The following CCDC30 variants were observed in gnomAD, a reference collection of about 807,000 sequenced individuals.
The protein encoded by CCDC30 is coiled-coil domain containing 30, also known as coiled-coil domain-containing protein 30.
CCDC30 carries 70 observed loss-of-function variants against 100.2 expected under a neutral mutation model. That is an observed-to-expected ratio of 0.70 (90% CI 0.58 to 0.85). CCDC30 has a LOEUF of 0.85. CCDC30 is among the 40% of genes least tolerant of loss of function. The pLI is 0.00. For synonymous variants in CCDC30, 233 were observed against 269.5 expected (o/e 0.86, Z 1.33); for missense variants, 652 against 771.2 (o/e 0.85, Z 1.83).
intron 1 of CCDC30, among the ~76,000 whole-genome samples, chr1:42,465,940 TAC>T (rs916631128): frequency 1.3e-5 from 2 of 152,274 alleles, no homozygotes; most frequent in Non-Finnish European, 2.9e-5. Flanking sequence ...TGTACATTTT[TAC>T]ATAGTTATGT....
At chr1:42,471,301 C>T (rs1431494860) in intron 1 of CCDC30, among the ~76,000 whole-genome samples, 1 of 152,292 alleles carries the variant, frequency 6.6e-6, no homozygotes, top group Middle Eastern at 3.4e-3. Context: ...CCCTACTCCA[C>T]CCCTACAGCA....
At chr1:42,585,590 G>A (rs1242737746) in intron 9 of CCDC30, among the ~76,000 whole-genome samples, 2 of 151,442 alleles carry the variant, frequency 1.3e-5, no homozygotes, top group African/African-American at 4.9e-5. Context: ...CTTGCTTTAG[G>A]CTTATAATGT....
At chr1:42,541,908 T>C (rs1317483469) in intron 6 of CCDC30, among the ~76,000 whole-genome samples, 1 of 152,216 alleles carries the variant, frequency 6.6e-6, no homozygotes, top group Non-Finnish European at 1.5e-5. Flanking sequence ...AGAGCTGAAA[T>C]GAGTATGATC....
At chr1:42,546,092 A>C (rs1475296178) in intron 6 of CCDC30, among the ~76,000 whole-genome samples, 1 of 151,874 alleles carries the variant, frequency 6.6e-6, no homozygotes, top group East Asian at 1.9e-4. Flanking sequence ...CAACGAATGT[A>C]TGCGGCCTGT....
upstream of CCDC30, chr1:42,463,215 T>G (rs1643458985): frequency 6.6e-6 from 1 of 152,222 alleles, no homozygotes; most frequent in African/African-American, 2.4e-5. Flanking sequence ...AGTCTCTGGT[T>G]CCACTGGCGT....
At chr1:42,618,415 T>A (rs1482528667) in intron 11 of CCDC30, among the ~76,000 whole-genome samples, 1 of 152,070 alleles carries the variant, frequency 6.6e-6, no homozygotes, top group Non-Finnish European at 1.5e-5. Context: ...TTTGTATTTT[T>A]AATAGAGACA....
At chr1:42,512,987 G>C (rs533643769) in intron 6 of CCDC30, among the ~76,000 whole-genome samples, 46 of 152,242 alleles carry the variant, frequency 3.0e-4, no homozygotes, top group Admixed American at 2.9e-3. Context: ...TAAAATGGAG[G>C]CCAAGAACCT....
chr1:42,642,525 A>G, exon 13 of CCDC30: 1 of 1,600,778 alleles, frequency 6.2e-7, no homozygotes, highest in Non-Finnish European at 8.5e-7. Context: ...CTGCTTCTAG[A>G]AAAAAGGAAA....
exon 7 of CCDC30, chr1:42,566,403 G>A: frequency 6.2e-7 from 1 of 1,614,024 alleles, no homozygotes; most frequent in Non-Finnish European, 8.5e-7. Flanking sequence ...CTGAAAATGA[G>A]CTTCGATATG....
At chr1:42,585,037 AAGG>A (rs1646041388) in intron 9 of CCDC30, among the ~76,000 whole-genome samples, 1 of 152,122 alleles carries the variant, frequency 6.6e-6, no homozygotes, top group African/African-American at 2.4e-5. Context: ...TATTTTTTGG[AAGG>A]TAATTAATTA....
chr1:42,501,865 A>G (rs1421449615), intron 6 of CCDC30, among the ~76,000 whole-genome samples: 1 of 150,748 alleles, frequency 6.6e-6, no homozygotes, highest in Admixed American at 6.6e-5. Flanking sequence ...GTCTGCCCCT[A>G]CTGAGAGGTG....
At chr1:42,578,615 G>A (rs1003904897) in intron 8 of CCDC30, among the ~76,000 whole-genome samples, 1 of 152,096 alleles carries the variant, frequency 6.6e-6, no homozygotes, top group Non-Finnish European at 1.5e-5. Context: ...TGAGGATTTG[G>A]TGCAACAAGA....
chr1:42,650,716 TC>T (rs1451809548), intron 15 of CCDC30, among the ~76,000 whole-genome samples: 1 of 151,660 alleles, frequency 6.6e-6, no homozygotes, highest in Non-Finnish European at 1.5e-5. Context: ...AGCCTCAACT[TC>T]CTGGGCTCAA....
chr1:42,490,247 A>C lies in CCDC30; in HGVS notation c.241+18A>C. 1 of 1,100,272 alleles carries C rather than the reference A, an allele frequency of 9.1e-7. No homozygotes were observed. The highest frequency in any genetic ancestry group is 4.6e-5 in the South Asian group (1 of 21,664). The allele number at this position is 1,100,272 out of a possible 1,614,324, so 68.2% of individuals were successfully genotyped here. A position where few individuals can be genotyped will look rare whatever the true frequency, so the allele number is the denominator to read the frequency against. ...AGAAAATGGTAAGTCATTCTAGAAG[A>C]TATGATGATTATTATTTAGTAGCCA... On this transcript the variant is annotated intron_variant, in intron 4 of 16. Coordinates refer to ENST00000668663, the Ensembl canonical transcript of CCDC30.
intron 13 of CCDC30, among the ~76,000 whole-genome samples, chr1:42,643,164 G>A (rs542023156): frequency 6.6e-6 from 1 of 152,290 alleles, no homozygotes; most frequent in African/African-American, 2.4e-5. Flanking sequence ...ATTTGTCTGA[G>A]CAATTACTAT....
At chr1:42,619,131 G>A (rs980483049) in intron 11 of CCDC30, among the ~76,000 whole-genome samples, 23 of 152,146 alleles carry the variant, frequency 1.5e-4, no homozygotes, top group Admixed American at 1.2e-3. Context: ...CAATCACTCC[G>A]GCATGCACTG....
upstream of CCDC30, among the ~76,000 whole-genome samples, chr1:42,462,356 A>C (rs983486194): frequency 6.6e-6 from 1 of 152,198 alleles, no homozygotes; most frequent in Non-Finnish European, 1.5e-5. Context: ...GGTGATACTT[A>C]AACTGATAAA....
intron 9 of CCDC30, among the ~76,000 whole-genome samples, chr1:42,587,161 T>C (rs558982569): frequency 4.8e-4 from 73 of 152,194 alleles, no homozygotes; most frequent in African/African-American, 1.7e-3. Flanking sequence ...CCATGCCTAA[T>C]TTTTAAAAAA....
At chr1:42,493,289 A>G (rs1439776227) in intron 4 of CCDC30, among the ~76,000 whole-genome samples, 1 of 152,098 alleles carries the variant, frequency 6.6e-6, no homozygotes, top group Non-Finnish European at 1.5e-5. Context: ...TTAAAATAAG[A>G]GTTAGAATCA....
Sources: allele counts gnomAD v4.1 joint callset (sites outside exome capture counted in the v4.1 genomes callset), GRCh38; gene constraint gnomAD v4.1.1; transcripts MANE v1.5; gene names NCBI Gene and HGNC (gene_info 2026-07-23, HGNC 2026-07-21).